Variants in INSL6 observed in about 807,000 individuals in gnomAD.
INSL6 encodes insulin-like peptide INSL6.
A neutral mutation model predicts 9.4 loss-of-function variants in INSL6; 16 were observed. The observed-to-expected ratio is 1.70, with a 90% CI of 1.15 to 2.59. The LOEUF (loss-of-function observed/expected upper bound fraction) is 2.59, where lower values mean the gene tolerates loss of function less well. Ranked by LOEUF, INSL6 falls within the 30% of genes most tolerant of loss-of-function variation. INSL6 has a pLI of 0.00. For missense variants in INSL6, 391 were observed against 257.3 expected (o/e 1.52, Z -3.56); for synonymous variants, 154 against 96.9 (o/e 1.59, Z -3.46).
the INSL6 span, among the ~76,000 whole-genome samples, chr9:4,997,488 G>A: frequency 6.6e-6 from 1 of 152,148 alleles, no homozygotes; most frequent in Non-Finnish European, 1.5e-5. Context: ...AATCTTGCAA[G>A]AACTCAGTAT....
intron 1 of INSL6, among the ~76,000 whole-genome samples, chr9:5,166,166 C>T (rs974889954): frequency 5.3e-5 from 8 of 152,090 alleles, no homozygotes; most frequent in East Asian, 1.9e-4. Context: ...CATAAACACA[C>T]GGAAAAGATT....
chr9:5,146,888 G>A (rs889498276), intron 2 of INSL6, among the ~76,000 whole-genome samples: 1 of 152,144 alleles, frequency 6.6e-6, no homozygotes, highest in African/African-American at 2.4e-5. Context: ...AAGCTATGGT[G>A]TGGGCCTCAG....
chr9:5,071,228 A>C, the INSL6 span, among the ~76,000 whole-genome samples: 68 of 152,326 alleles, frequency 4.5e-4, no homozygotes, highest in Non-Finnish European at 1.8e-4. Context: ...AACCTAGGCA[A>C]CCCATAATTC....
intron 3 of INSL6, among the ~76,000 whole-genome samples, chr9:5,132,614 C>CAATACAT (rs1824312636): frequency 6.6e-6 from 1 of 151,932 alleles, no homozygotes; most frequent in South Asian, 2.1e-4. Flanking sequence ...TAGACATTCA[C>CAATACAT]CCATCAATAC....
At chr9:5,180,961 A>C (rs7029244) in intron 1 of INSL6, among the ~76,000 whole-genome samples, 58,048 of 152,004 alleles carry the variant, frequency 0.38, 12,598 homozygotes, top group African/African-American at 0.61. Context: ...AAAAAACTTG[A>C]TGGTTTGAGG....
the INSL6 span, among the ~76,000 whole-genome samples, chr9:5,077,919 C>T: frequency 9.2e-5 from 14 of 152,192 alleles, no homozygotes; most frequent in South Asian, 1.2e-3. Flanking sequence ...CATGAGAAAG[C>T]GGTGTTGACA....
chr9:5,090,414 G>A, the INSL6 span: 2 of 1,467,558 alleles, frequency 1.4e-6, no homozygotes, highest in Admixed American at 2.2e-5. Flanking sequence ...ATATGGCAGA[G>A]TAAAACATTA....
chr9:5,074,171 A>G, the INSL6 span, among the ~76,000 whole-genome samples: 1 of 152,132 alleles, frequency 6.6e-6, no homozygotes, highest in East Asian at 1.9e-4. Flanking sequence ...TTTTTAATGG[A>G]ACTGACAGAA....
At chr9:5,087,722 T>C in the INSL6 span, among the ~76,000 whole-genome samples, 1 of 152,246 alleles carries the variant, frequency 6.6e-6, no homozygotes, top group Non-Finnish European at 1.5e-5. Flanking sequence ...CATCAAATGG[T>C]AACCACTGCC....
chr9:5,012,038 G>A, the INSL6 span, among the ~76,000 whole-genome samples: 6 of 152,132 alleles, frequency 3.9e-5, no homozygotes, highest in African/African-American at 1.2e-4. Flanking sequence ...CCTGGGCTTC[G>A]ATTTTCATCC....
rs970807459 is a variant in INSL6, at chr9:5,163,984, C to A, written c.571G>T (p.Ala191Ser). The change falls in exon 2 of 2, where the codon GCA (alanine) becomes TCA (serine). Residue 191 changes from alanine (A) to serine (S), a missense_variant. Coordinates refer to ENST00000381641, the MANE Select transcript of INSL6 (RefSeq NM_007179.3). ...TGCTKEELSI[A>S]CLPYIDFKRL... ...TTAAAATCAATATATGGAAGACATG[C>A]AATGCTAAGTTCTTCTTTTGTACAT... 21 of 1,612,302 alleles carry A rather than the reference C, an allele frequency of 1.3e-5. No individual in the cohort carries two copies. The highest frequency in any genetic ancestry group is 1.0e-4 in the Admixed American group (6 of 59,974).
the INSL6 span, chr9:5,066,712 G>A: frequency 4.9e-5 from 79 of 1,609,876 alleles, no homozygotes; most frequent in Middle Eastern, 8.3e-4. Flanking sequence ...GAAGAAAGCA[G>A]GTAATCAGAC....
chr9:5,066,533 C>A, the INSL6 span: 4 of 532,702 alleles, frequency 7.5e-6, no homozygotes, highest in Non-Finnish European at 1.3e-5. Flanking sequence ...TGATTTTTTC[C>A]TTTGAAAGAT....
chr9:5,076,688 T>G, the INSL6 span, among the ~76,000 whole-genome samples: 2 of 152,156 alleles, frequency 1.3e-5, no homozygotes. Flanking sequence ...TTTATTTTAG[T>G]GCCTCACAAA....
chr9:5,165,880 C>T (rs1409381468), intron 1 of INSL6, among the ~76,000 whole-genome samples: 2 of 152,222 alleles, frequency 1.3e-5, no homozygotes, highest in East Asian at 1.9e-4. Context: ...ATAGTCTCTA[C>T]TGTAGAGCCA....
At chr9:5,034,088 A>G in the INSL6 span, among the ~76,000 whole-genome samples, 4 of 152,238 alleles carry the variant, frequency 2.6e-5, no homozygotes, top group East Asian at 7.7e-4. Flanking sequence ...AGGGATTGCA[A>G]TCCTAGTCTC....
At chr9:5,058,326 G>C in the INSL6 span, among the ~76,000 whole-genome samples, 1 of 152,158 alleles carries the variant, frequency 6.6e-6, no homozygotes, top group African/African-American at 2.4e-5. Flanking sequence ...TAAAATCATG[G>C]CAGAAGGTGA....
At chr9:5,150,846 GACACACACACAC>G (rs59479266) in intron 2 of INSL6, among the ~76,000 whole-genome samples, 3 of 146,288 alleles carry the variant, frequency 2.1e-5, no homozygotes, top group East Asian at 2.0e-4. Flanking sequence ...GGATAAAGGA[GACACACACACAC>G]ACACACACAC....
intron 2 of INSL6, among the ~76,000 whole-genome samples, chr9:5,143,225 C>T (rs991855600): frequency 1.4e-5 from 2 of 146,016 alleles, no homozygotes; most frequent in Non-Finnish European, 2.9e-5. Context: ...AGAGGAGTTC[C>T]TTCTCCTCAA....
Sources: gnomAD v4.1 joint callset for allele counts (sites outside exome capture counted in the v4.1 genomes callset) on GRCh38, gnomAD v4.1.1 for gene constraint, MANE v1.5 for transcripts, NCBI Gene and HGNC (gene_info 2026-07-23, HGNC 2026-07-21) for gene names.